Variants in AP3B1 observed in about 807,000 individuals in gnomAD.
AP3B1 encodes the protein AP-3 complex subunit beta-1.
AP3B1 carries 61 observed loss-of-function variants against 132.5 expected under a neutral mutation model. The ratio of observed to expected loss-of-function variants is 0.46; its 90% CI spans 0.37 to 0.57. The LOEUF is 0.57. Among genes scored for constraint, AP3B1 ranks in the 20% least tolerant of loss-of-function variants. AP3B1 has a pLI of 0.00. For missense variants in AP3B1, 1,120 were observed against 1,289.4 expected, an observed-to-expected ratio of 0.87 and a Z score of 2.01; for synonymous variants, 388 against 438.3, an observed-to-expected ratio of 0.89 and a Z score of 1.43.
rs866449971 is a variant in AP3B1, at chr5:78,278,628, G to C, written c.129-11033C>G. ...AAAAAAAAAAAAAAAAAAAAAAAGGGGGGGGGGGACTAATTAATTATGAGG... is the reference window on the plus strand; with the variant it reads ...AAAAAAAAAAAAAAAAAAAAAAAGGCGGGGGGGGACTAATTAATTATGAGG... On this transcript the variant is annotated intron_variant, in intron 1 of 26. Transcript: ENST00000255194. Among the ~76,000 whole-genome samples the C allele has an allele frequency of 7.0e-5, 3 of 42,658 alleles. 1 individual carries two copies. Among genetic ancestry groups the C allele is most frequent in the Non-Finnish European group, 1.7e-4 (3 of 17,818 alleles). 28.0% of individuals were successfully genotyped at this position (42,658 alleles called of 152,430 possible).
chr5:78,069,371 GCTT>G (rs1749434897), intron 22 of AP3B1, among the ~76,000 whole-genome samples: 1 of 152,142 alleles, frequency 6.6e-6, no homozygotes, highest in South Asian at 2.1e-4. Flanking sequence ...CAGCCCAAAA[GCTT>G]CTTAAGCTGA....
intron 7 of AP3B1, among the ~76,000 whole-genome samples, chr5:78,200,026 A>G (rs1745226886): frequency 6.6e-6 from 1 of 152,136 alleles, no homozygotes. Flanking sequence ...CCAGTAGAAG[A>G]CAAAGCCAAA....
At chr5:78,268,334 T>C (rs1162283865) in intron 1 of AP3B1, among the ~76,000 whole-genome samples, 3 of 152,116 alleles carry the variant, frequency 2.0e-5, no homozygotes, top group Non-Finnish European at 4.4e-5. Context: ...TTAATGACTA[T>C]GTATACTTTT....
At chr5:78,185,425 T>C (rs1744564719) in intron 7 of AP3B1, among the ~76,000 whole-genome samples, 1 of 152,176 alleles carries the variant, frequency 6.6e-6, no homozygotes, top group Admixed American at 6.5e-5. Flanking sequence ...GAAAACTATT[T>C]ATAAAGTGGA....
intron 22 of AP3B1, among the ~76,000 whole-genome samples, chr5:78,068,361 AAGG>A (rs1749382781): frequency 7.3e-6 from 1 of 137,930 alleles, no homozygotes; most frequent in Non-Finnish European, 1.5e-5. Flanking sequence ...AAGAAGAAAG[AAGG>A]AGAAGGAGAA....
chr5:78,255,831 C>T (rs1747824689), intron 2 of AP3B1, among the ~76,000 whole-genome samples: 2 of 152,004 alleles, frequency 1.3e-5, no homozygotes, highest in Admixed American at 1.3e-4. Flanking sequence ...AAGGATGGAC[C>T]ATATGTTAGG....
At chr5:78,246,480 C>A (rs568053997) in intron 2 of AP3B1, among the ~76,000 whole-genome samples, 1 of 152,186 alleles carries the variant, frequency 6.6e-6, no homozygotes, top group African/African-American at 2.4e-5. Context: ...TAGAACTGAA[C>A]GTTCCCTGTA....
chr5:78,052,861 T>C (rs541437834), intron 22 of AP3B1, among the ~76,000 whole-genome samples: 1 of 152,246 alleles, frequency 6.6e-6, no homozygotes, highest in Non-Finnish European at 1.5e-5. Flanking sequence ...AATACTGATA[T>C]GTTATACTAT....
intron 21 of AP3B1, among the ~76,000 whole-genome samples, chr5:78,093,079 A>G (rs1750599316): frequency 6.6e-6 from 1 of 152,262 alleles, no homozygotes; most frequent in South Asian, 2.1e-4. Flanking sequence ...ATGTTACTTC[A>G]CTAATTATGA....
rs79173083 is a variant in AP3B1 at position 78,223,169 on chromosome 5, T to C, written c.603+2373A>G. On this transcript the variant is annotated intron_variant, in intron 6 of 26. Transcript: ENST00000255194. Reference sequence around the variant, plus strand: ...ACAATGGTGCGTGGCCAGAGCCACATTTCTTAATGTTGAATAGGCAGTTTC... The same window carrying C: ...ACAATGGTGCGTGGCCAGAGCCACACTTCTTAATGTTGAATAGGCAGTTTC... Among the ~76,000 whole-genome samples the C allele has an allele frequency of 3.6e-4, 55 of 152,142 alleles. No homozygotes were observed. In the East Asian group the frequency reaches 0.01, roughly 28 times the overall value.
At chr5:78,212,425 GTTTTT>G (rs1372009386) in intron 7 of AP3B1, among the ~76,000 whole-genome samples, 2 of 152,086 alleles carry the variant, frequency 1.3e-5, no homozygotes, top group Non-Finnish European at 2.9e-5. Context: ...TTACAGGCAG[GTTTTT>G]TTAATTATAA....
intron 2 of AP3B1, among the ~76,000 whole-genome samples, chr5:78,261,919 T>C (rs1748111902): frequency 1.3e-5 from 2 of 151,956 alleles, no homozygotes; most frequent in Non-Finnish European, 2.9e-5. Flanking sequence ...ACCTGGCTAA[T>C]TTTTGTATTT....
At chr5:78,011,108 T>A (rs1012288495) in intron 26 of AP3B1, among the ~76,000 whole-genome samples, 4 of 148,576 alleles carry the variant, frequency 2.7e-5, no homozygotes, top group African/African-American at 9.9e-5. Flanking sequence ...CAGTGGACCA[T>A]CTTGGCTCAC....
intron 11 of AP3B1, among the ~76,000 whole-genome samples, chr5:78,169,304 A>C (rs985686006): frequency 6.6e-6 from 1 of 152,168 alleles, no homozygotes; most frequent in Non-Finnish European, 1.5e-5. Context: ...CTGCCAACCA[A>C]GAAAAAAATT....
chr5:78,123,249 A>G (rs1170289197), intron 17 of AP3B1, among the ~76,000 whole-genome samples: 1 of 152,244 alleles, frequency 6.6e-6, no homozygotes, highest in Non-Finnish European at 1.5e-5. Context: ...AAACCCTAGA[A>G]GAAAACCTAG....
chr5:78,060,760 A>G (rs1412163554), intron 22 of AP3B1, among the ~76,000 whole-genome samples: 2 of 151,756 alleles, frequency 1.3e-5, no homozygotes, highest in African/African-American at 4.8e-5. Flanking sequence ...TAACAGAAAT[A>G]TTCAGGTTTT....
chr5:78,161,598 G>C (rs1743389875), intron 13 of AP3B1, among the ~76,000 whole-genome samples: 1 of 151,936 alleles, frequency 6.6e-6, no homozygotes, highest in South Asian at 2.1e-4. Context: ...GAAAGAGATA[G>C]AATGGATGAC....
chr5:78,055,290 A>G (rs1748763284), intron 22 of AP3B1, among the ~76,000 whole-genome samples: 1 of 152,170 alleles, frequency 6.6e-6, no homozygotes, highest in African/African-American at 2.4e-5. Flanking sequence ...CATATTAAAC[A>G]TTTTTCCTCA....
intron 22 of AP3B1, among the ~76,000 whole-genome samples, chr5:78,078,953 T>C (rs762635646): frequency 1.3e-5 from 2 of 152,228 alleles, no homozygotes; most frequent in African/African-American, 2.4e-5. Flanking sequence ...CATGTGTTGT[T>C]ACCTGCCTTA....
Sources: gnomAD v4.1 joint callset for allele counts (sites outside exome capture counted in the v4.1 genomes callset) on GRCh38, gnomAD v4.1.1 for gene constraint, MANE v1.5 for transcripts, NCBI Gene and HGNC (gene_info 2026-07-23, HGNC 2026-07-21) for gene names.